The following SLC38A8 variants were observed in gnomAD, a reference collection of about 807,000 sequenced individuals.
SLC38A8 encodes the protein solute carrier family 38 member 8.
Under a neutral mutation model 46.0 loss-of-function variants are expected in SLC38A8, and 65 were observed. The ratio of observed to expected loss-of-function variants is 1.41; its 90% CI spans 1.16 to 1.74. The LOEUF (loss-of-function observed/expected upper bound fraction) is 1.74. SLC38A8 is among the 40% of genes most tolerant of loss of function. SLC38A8 has a pLI of 0.00. For missense variants in SLC38A8, 998 were observed against 567.9 expected (o/e 1.76, Z -7.70); for synonymous variants, 447 against 243.7 (o/e 1.83, Z -7.77).
At chr16:84,012,119 A>C (rs2084961649) in intron 10 of SLC38A8, among the ~76,000 whole-genome samples, 1 of 152,140 alleles carries the variant, frequency 6.6e-6, no homozygotes, top group Non-Finnish European at 1.5e-5. Flanking sequence ...CCTCCCCACC[A>C]TGCCCCAATT....
intron 6 of SLC38A8, among the ~76,000 whole-genome samples, chr16:84,023,202 CCT>C (rs988831296): frequency 1.3e-5 from 2 of 152,038 alleles, no homozygotes; most frequent in African/African-American, 4.8e-5. Context: ...GCCCCTTTCC[CCT>C]CTCTCCCTTA....
At position 84,015,922 on chromosome 16, in the gene SLC38A8, G is replaced by A. The variant is rs923080034; in HGVS notation, c.1162+597C>T. Among the ~76,000 whole-genome samples the A allele has an allele frequency of 1.4e-4, 21 of 152,274 alleles. No homozygotes were observed. In the East Asian group the frequency reaches 1.5e-3, roughly 11 times the overall value. The stretch of plus-strand genomic sequence containing the variant: ...TCGACCTCCTGACCTCAGGTGATCC[G>A]CCTGCCTCGGCCTCCCAAAGTGCTG... On this transcript the variant is annotated intron_variant, in intron 9 of 10. Coordinates refer to ENST00000299709, the MANE Select transcript of SLC38A8 (RefSeq NM_001080442.3).
rs778841203 is a variant in SLC38A8, at chr16:84,042,080, C to T, written c.78G>A (p.Ser26=). 1.4e-5 allele frequency: 22 copies of T among 1,614,100 alleles called. No individual in the cohort carries two copies. The highest frequency in any genetic ancestry group is 1.7e-5 in the Non-Finnish European group (20 of 1,180,008). The change falls in exon 2 of 11, where the codon TCG becomes TCA. Residue 26 remains serine, a synonymous_variant. Transcript: ENST00000299709. The part of the protein sequence containing the change: ...HPATAAATLS[S]MGAVFILMKS... Reference sequence around the variant, plus strand: ...TCATGAGGATGAAGACAGCGCCCATCGAGGACAGAGTGGCAGCAGCCGTGG... The same window carrying T: ...TCATGAGGATGAAGACAGCGCCCATTGAGGACAGAGTGGCAGCAGCCGTGG...
In SLC38A8 at chr16:84,036,798, G is replaced by A. The variant is rs371344960; in HGVS notation, c.292C>T (p.Pro98Ser). ...YQGVVRGLCG[P>S]AIGKLCEACF... ...GCCTCACACAGCTTCCCAATGGCAG[G>A]GCCACACAGCCCCCTGACCACACCC... is the stretch of plus-strand genomic sequence containing the variant. Residue 98 changes from proline to serine, a missense_variant, in exon 3 of 11, where the codon CCT becomes TCT. By Grantham distance (74) the Pro-to-Ser change is moderately conservative. Coordinates refer to ENST00000299709, the MANE Select transcript of SLC38A8 (RefSeq NM_001080442.3). 5.3e-5 allele frequency: 85 copies of A among 1,614,018 alleles called. No homozygotes were observed. The East Asian group carries it at 6.0e-4, about 11-fold the overall frequency.
rs749065878 is a variant in SLC38A8, at chr16:84,017,179, G to C, written c.914C>G (p.Ser305Cys). Residue 305 changes from serine to cysteine, a missense_variant, in exon 8 of 11, where the codon TCC becomes TGC. By Grantham distance (112) the Ser-to-Cys change is moderately radical. Coordinates refer to ENST00000299709, the MANE Select transcript of SLC38A8 (RefSeq NM_001080442.3). ...CACGATGGGGTAGACAGTTACGATG[G>C]AGACAGCAAAAAGGACCCGGGCCAC... Reference protein sequence around the residue: ...IIVARVLFAVSIVTVYPIVLF... With the variant: ...IIVARVLFAVCIVTVYPIVLF... 25 of 1,613,992 alleles carry C rather than the reference G, an allele frequency of 1.5e-5. No individual in the cohort carries two copies. In the Admixed American group the frequency reaches 2.7e-4, roughly 17 times the overall value.
Position 84,016,898 on chromosome 16 carries a change from A to T in SLC38A8, c.954-171T>A, listed in dbSNP as rs563499319. On this transcript the variant is annotated intron_variant, in intron 8 of 10. Transcript: ENST00000299709. ...GCCAACCCTCAGGGGTTCTGCCACC[A>T]TCGGGCAGCCCATGGGGCAGGGGAT... 361 of 984,528 alleles carry T rather than the reference A, an allele frequency of 3.7e-4. 2 individuals are homozygous for T. The Middle Eastern group carries it at 3.7e-3, about 10-fold the overall frequency. The allele number at this position is 984,528 out of a possible 1,614,324, so 61.0% of individuals were successfully genotyped here.
chr16:84,024,824 G>A (rs2085142715), intron 6 of SLC38A8, among the ~76,000 whole-genome samples: 2 of 152,054 alleles, frequency 1.3e-5, no homozygotes, highest in South Asian at 4.1e-4. Context: ...CGAGTAGCTG[G>A]GATTACAGGC....
chr16:84,020,619 C>A (rs1283403483), intron 7 of SLC38A8, among the ~76,000 whole-genome samples: 1 of 152,186 alleles, frequency 6.6e-6, no homozygotes, highest in Non-Finnish European at 1.5e-5. Context: ...GCTGGTGCAG[C>A]GAGGATCTCT....
chr16:84,042,075 C>T lies in SLC38A8; in HGVS notation c.83G>A (p.Gly28Asp), dbSNP rs780484933. 1.9e-6 allele frequency: 3 copies of T among 1,614,062 alleles called. No homozygotes were observed. The highest frequency in any genetic ancestry group is 2.5e-6 in the Non-Finnish European group (3 of 1,180,008). Residue 28 changes from glycine to aspartate, a missense_variant, in exon 2 of 11, where the codon GGC (glycine) becomes GAC (aspartate). By Grantham distance (94) the Gly-to-Asp change is moderately conservative. Transcript: ENST00000299709. ...GGACTTCATGAGGATGAAGACAGCG[C>T]CCATCGAGGACAGAGTGGCAGCAGC... ...ATAAATLSSM[G>D]AVFILMKSAL...
At chr16:84,016,762 C>T in intron 8 of SLC38A8, 35 bp from the exon 9 acceptor site, 1 of 1,593,736 alleles carries the variant, frequency 6.3e-7, no homozygotes, top group Non-Finnish European at 8.6e-7. Flanking sequence ...ACATGGGCAT[C>T]TCAGGGGCAC....
intron 6 of SLC38A8, among the ~76,000 whole-genome samples, chr16:84,027,220 G>A (rs1455989465): frequency 2.0e-5 from 3 of 152,250 alleles, no homozygotes; most frequent in South Asian, 2.1e-4. Context: ...CGTGGTGACA[G>A]GCGCCTGTAA....
chr16:84,012,286 G>A (rs1274135156), intron 10 of SLC38A8, among the ~76,000 whole-genome samples: 3 of 152,204 alleles, frequency 2.0e-5, no homozygotes, highest in Non-Finnish European at 2.9e-5. Context: ...CGTGTACATC[G>A]TCCTCTTCCG....
chr16:84,019,950 G>A (rs538042338), intron 7 of SLC38A8, among the ~76,000 whole-genome samples: 2 of 152,226 alleles, frequency 1.3e-5, no homozygotes, highest in Non-Finnish European at 2.9e-5. Context: ...GGCTTTGCCG[G>A]GTACAGCCCA....
At chr16:84,031,993 C>T (rs775808618) in intron 4 of SLC38A8, 25 bp from the exon 5 acceptor site, 3 of 1,597,572 alleles carry the variant, frequency 1.9e-6, no homozygotes, top group Non-Finnish European at 2.6e-6. Context: ...GTGTGAGGGG[C>T]TGCGCAGTGG....
At position 84,029,400 on chromosome 16, in the gene SLC38A8, T is replaced by C. The variant is rs570805896; in HGVS notation, c.690+94A>G. The C allele has an allele frequency of 3.9e-5, 53 of 1,372,526 alleles. No individual in the cohort carries two copies. In the African/African-American group the frequency reaches 4.6e-4, roughly 12 times the overall value. The allele number at this position is 1,372,526 out of a possible 1,614,324, so 85.0% of individuals were successfully genotyped here. On this transcript the variant is annotated intron_variant, in intron 6 of 10. Coordinates refer to ENST00000299709, the MANE Select transcript of SLC38A8 (RefSeq NM_001080442.3). ...ATCCTAGGAGAAGTCCTCAGACGCC[T>C]CCCTGACAGAGAAACCAAGGTTTCC... is the stretch of plus-strand genomic sequence containing the variant.
Position 84,016,674 on chromosome 16 carries a change from C to A in SLC38A8, c.1007G>T (p.Ser336Ile). 1 of 1,613,574 alleles carries A rather than the reference C, an allele frequency of 6.2e-7. No individual in the cohort carries two copies. The highest frequency in any genetic ancestry group is 8.5e-7 in the Non-Finnish European group (1 of 1,180,016). The change falls in exon 9 of 11, where the codon AGC (serine) becomes ATC (isoleucine). Residue 336 changes from serine (S) to isoleucine (I), a missense_variant. By Grantham distance (142) the Ser-to-Ile change is moderately radical. Transcript: ENST00000299709. The part of the protein sequence containing the change: ...RRSCLGGWGP[S>I]ALADPSGLWV... ...CAGCCCTGAGGGGTCGGCCAGGGCGCTGGGCCCCCATCCCCCCAAGCAGCT... is the reference window on the plus strand; with the variant it reads ...CAGCCCTGAGGGGTCGGCCAGGGCGATGGGCCCCCATCCCCCCAAGCAGCT...
At chr16:84,014,659 C>T (rs1485089547) in intron 9 of SLC38A8, among the ~76,000 whole-genome samples, 5 of 152,244 alleles carry the variant, frequency 3.3e-5, no homozygotes, top group Non-Finnish European at 7.3e-5. Flanking sequence ...TTCTCCTCCC[C>T]TCCCTTCACT....
At chr16:84,016,874 C>T in intron 8 of SLC38A8, 147 bp from the exon 9 acceptor site, 3 of 1,081,884 alleles carry the variant, frequency 2.8e-6, no homozygotes, top group Admixed American at 2.8e-5. Context: ...GGAGACCTTG[C>T]CAACCCTCAG....
intron 4 of SLC38A8, among the ~76,000 whole-genome samples, chr16:84,032,984 AGGTGGGTGTGCATG>A (rs2085262284): frequency 1.2e-4 from 1 of 8,054 alleles, no homozygotes; most frequent in East Asian, 3.5e-3. Context: ...GGGTGTGGGT[AGGTGGGTGTGCATG>A]GGGGGGTGTG....
Sources: allele counts gnomAD v4.1 joint callset (sites outside exome capture counted in the v4.1 genomes callset), GRCh38; gene constraint gnomAD v4.1.1; transcripts MANE v1.5; gene names NCBI Gene and HGNC (gene_info 2026-07-23, HGNC 2026-07-21).